Variants in MYO3A observed in about 807,000 individuals in gnomAD.
MYO3A encodes myosin-IIIa.
Under a neutral mutation model 192.7 loss-of-function variants are expected in MYO3A, and 180 were observed. That is an observed-to-expected ratio of 0.93 (90% CI 0.83 to 1.06). The LOEUF (loss-of-function observed/expected upper bound fraction) is 1.06. MYO3A is among the 50% of genes least tolerant of loss of function. The pLI is 0.00. For synonymous variants in MYO3A, 628 were observed against 645.3 expected (o/e 0.97, Z 0.41); for missense variants, 1,896 against 1,905.0 (o/e 1.00, Z 0.09).
chr10:26,070,250 C>T (rs1169497251), intron 13 of MYO3A, 35 bp downstream of exon 13: 1 of 1,582,756 alleles, frequency 6.3e-7, no homozygotes, highest in Non-Finnish European at 8.6e-7. Context: ...AAATTTACCT[C>T]TTAGTTACTT....
intron 10 of MYO3A, among the ~76,000 whole-genome samples, chr10:26,054,811 T>A (rs1844220365): frequency 6.6e-6 from 1 of 152,066 alleles, no homozygotes; most frequent in Non-Finnish European, 1.5e-5. Flanking sequence ...TCCCCTAGAG[T>A]CTCCAGAAGG....
At chr10:26,060,554 A>G (rs1379056280) in intron 10 of MYO3A, among the ~76,000 whole-genome samples, 4 of 80,916 alleles carry the variant, frequency 4.9e-5, no homozygotes, top group East Asian at 2.6e-4. Flanking sequence ...CTCACTTTCC[A>G]TAAATTTCCA....
Position 26,173,850 on chromosome 10 carries a change from T to C in MYO3A, c.3586T>C (p.Tyr1196His). ...GACTCCAAAAAAAATGAATAATGTGTATGAGGAAGAGGTTAAGCAAGAATT... is the reference window on the plus strand; with the variant it reads ...GACTCCAAAAAAAATGAATAATGTGCATGAGGAAGAGGTTAAGCAAGAATT... ...YQTPKKMNNV[Y>H]EEEVKQEFYL... The change falls in exon 30 of 35, where the codon TAT (tyrosine) becomes CAT (histidine). Residue 1196 changes from tyrosine to histidine, a missense_variant. By Grantham distance (83) the Tyr-to-His change is moderately conservative. Coordinates refer to ENST00000642920, the MANE Select transcript of MYO3A (RefSeq NM_017433.5). 1.2e-6 allele frequency: 2 copies of C among 1,613,870 alleles called. No homozygotes were observed. Among genetic ancestry groups the C allele is most frequent in the Middle Eastern group, 1.6e-4 (1 of 6,062 alleles).
chr10:26,041,419 T>G (rs1462809231), intron 10 of MYO3A, among the ~76,000 whole-genome samples: 1 of 152,106 alleles, frequency 6.6e-6, no homozygotes, highest in Non-Finnish European at 1.5e-5. Flanking sequence ...TCCACTTACT[T>G]TCAATATTAT....
chr10:25,942,120 GC>G (rs916164454), intron 2 of MYO3A, among the ~76,000 whole-genome samples: 1 of 151,310 alleles, frequency 6.6e-6, no homozygotes, highest in African/African-American at 2.4e-5. Flanking sequence ...CTCTGCCTCA[GC>G]CTCCCAAGTA....
At chr10:26,153,179 G>A (rs180887109) in intron 23 of MYO3A, among the ~76,000 whole-genome samples, 50 of 152,192 alleles carry the variant, frequency 3.3e-4, no homozygotes, top group East Asian at 2.9e-3. Context: ...ACATATTATC[G>A]CATTTCATCA....
intron 6 of MYO3A, among the ~76,000 whole-genome samples, chr10:26,001,034 C>T (rs116112646): frequency 0.018 from 2,760 of 152,170 alleles, 93 homozygotes; most frequent in African/African-American, 0.063. Flanking sequence ...CTCACTATCA[C>T]GAGAACAGCA....
At chr10:26,007,920 G>A (rs554732950) in intron 6 of MYO3A, among the ~76,000 whole-genome samples, 16 of 152,158 alleles carry the variant, frequency 1.1e-4, no homozygotes, top group South Asian at 6.2e-4. Flanking sequence ...AGCCTGCATC[G>A]CTAAGTCAAT....
chr10:25,997,184 A>G lies in MYO3A; in HGVS notation c.434A>G (p.Lys145Arg), dbSNP rs1015090780. 1 of 1,613,380 alleles carries G rather than the reference A, an allele frequency of 6.2e-7. No homozygotes were observed. The highest frequency in any genetic ancestry group is 1.3e-5 in the African/African-American group (1 of 74,916). ...GGACTTCAACATTTGCATAACAACAAAACTATCCACAGAGATGTGAAAGGC... is the reference window on the plus strand; with the variant it reads ...GGACTTCAACATTTGCATAACAACAGAACTATCCACAGAGATGTGAAAGGC... ...LMGLQHLHNN[K>R]TIHRDVKGNN... Residue 145 changes from lysine (K) to arginine (R), a missense_variant, in exon 6 of 35, where the codon AAA becomes AGA. By Grantham distance (26) the Lys-to-Arg change is conservative (BLOSUM62 2). Transcript: ENST00000642920.
chr10:26,147,517 A>C lies in MYO3A; in HGVS notation c.2593A>C (p.Ser865Arg). Reference protein sequence around the residue: ...IVLLLRSSDNSVIRQLVNHPL... With the variant: ...IVLLLRSSDNRVIRQLVNHPL... ...GCTACTTTTGAGGTCATCCGACAACAGTGTAATTAGGCAACTAGTCAACCA... is the reference window on the plus strand; with the variant it reads ...GCTACTTTTGAGGTCATCCGACAACCGTGTAATTAGGCAACTAGTCAACCA... Residue 865 changes from serine to arginine, a missense_variant, in exon 23 of 35, where the codon AGT becomes CGT. Ser to Arg is a moderately radical substitution (Grantham distance 110). Transcript: ENST00000642920. 1.2e-6 allele frequency: 2 copies of C among 1,614,054 alleles called. No individual in the cohort carries two copies. Among genetic ancestry groups the C allele is most frequent in the Non-Finnish European group, 1.7e-6 (2 of 1,179,936 alleles).
chr10:25,991,900 T>C (rs1030383586), intron 4 of MYO3A, among the ~76,000 whole-genome samples: 1 of 152,240 alleles, frequency 6.6e-6, no homozygotes, highest in Non-Finnish European at 1.5e-5. Flanking sequence ...AGTACCATGC[T>C]GTTTTGGTTG....
At chr10:25,989,703 T>A (rs946112203) in intron 4 of MYO3A, among the ~76,000 whole-genome samples, 6 of 152,220 alleles carry the variant, frequency 3.9e-5, no homozygotes, top group African/African-American at 1.4e-4. Context: ...ACTATAAGTG[T>A]TCAGGCATCC....
intron 2 of MYO3A, among the ~76,000 whole-genome samples, chr10:25,936,862 C>T (rs781609522): frequency 1.3e-5 from 2 of 151,724 alleles, no homozygotes; most frequent in African/African-American, 4.9e-5. Flanking sequence ...ACTTTAAGCA[C>T]AGTAGGTACC....
chr10:26,115,675 T>G (rs1838458971), intron 17 of MYO3A, among the ~76,000 whole-genome samples: 1 of 152,184 alleles, frequency 6.6e-6, no homozygotes, highest in Non-Finnish European at 1.5e-5. Context: ...CTTAAACACT[T>G]GAACTTATAT....
intron 15 of MYO3A, among the ~76,000 whole-genome samples, chr10:26,090,976 A>G (rs1836665375): frequency 1.3e-5 from 2 of 152,198 alleles, no homozygotes; most frequent in South Asian, 4.1e-4. Flanking sequence ...AATGGGACAC[A>G]GCCAGTCAGG....
chr10:26,007,051 T>G (rs1338644400), intron 6 of MYO3A, among the ~76,000 whole-genome samples: 1 of 147,240 alleles, frequency 6.8e-6, no homozygotes, highest in African/African-American at 2.7e-5. Flanking sequence ...GTGGGCTTCA[T>G]CCCTGGGATG....
chr10:26,072,666 G>C (rs1158816851), intron 14 of MYO3A, among the ~76,000 whole-genome samples: 1 of 150,118 alleles, frequency 6.7e-6, no homozygotes, highest in Non-Finnish European at 1.5e-5. Flanking sequence ...TAAAGTTCAA[G>C]CTCCAAGACC....
intron 18 of MYO3A, 47 bp from the exon 19 acceptor site, chr10:26,125,351 C>A (rs1025730322): frequency 6.4e-7 from 1 of 1,564,208 alleles, no homozygotes; most frequent in Non-Finnish European, 8.8e-7. Context: ...TGGGGAGTGA[C>A]CTCATTGCCA....
intron 4 of MYO3A, among the ~76,000 whole-genome samples, chr10:25,968,753 G>C (rs891915315): frequency 1.3e-5 from 2 of 152,190 alleles, no homozygotes; most frequent in Non-Finnish European, 2.9e-5. Flanking sequence ...ATTTTCAGTT[G>C]TGTGCCTTTC....
Sources: allele counts gnomAD v4.1 joint callset (sites outside exome capture counted in the v4.1 genomes callset), GRCh38; gene constraint gnomAD v4.1.1; transcripts MANE v1.5; gene names NCBI Gene and HGNC (gene_info 2026-07-23, HGNC 2026-07-21).